The following ZNF844 variants were observed in gnomAD, a reference collection of about 807,000 sequenced individuals.
The protein encoded by ZNF844 is zinc finger protein 844.
A neutral mutation model predicts 11.4 loss-of-function variants in ZNF844; 11 were observed. The ratio of observed to expected loss-of-function variants is 0.97; its 90% confidence interval spans 0.61 to 1.60. The LOEUF (loss-of-function observed/expected upper bound fraction) is 1.60. Ranked by LOEUF, ZNF844 falls within the 40% of genes most tolerant of loss-of-function variation. The pLI, the probability that ZNF844 is intolerant of heterozygous loss-of-function variation, is 0.00. For missense variants in ZNF844, 790 were observed against 796.8 expected (o/e 0.99, Z 0.10); for synonymous variants, 248 against 260.3 (o/e 0.95, Z 0.46).
At chr19:12,072,816 C>T (rs1461109532) in intron 1 of ZNF844, among the ~76,000 whole-genome samples, 2 of 152,042 alleles carry the variant, frequency 1.3e-5, no homozygotes, top group East Asian at 1.9e-4. Flanking sequence ...AGCTCCTGAC[C>T]TCAGGTGATC....
intron 1 of ZNF844, among the ~76,000 whole-genome samples, chr19:12,065,439 G>A (rs73514810): frequency 0.014 from 2,164 of 152,120 alleles, 61 homozygotes; most frequent in African/African-American, 0.047. Flanking sequence ...ATGTGTACTA[G>A]ATGCTTTGTT....
At position 12,074,068 on chromosome 19, in the gene ZNF844, C is replaced by A; in HGVS notation, c.41C>A (p.Thr14Asn). The change falls in exon 2 of 4, where the codon ACC becomes AAC. Residue 14 changes from threonine (T) to asparagine (N), a missense_variant. Thr to Asn is a moderately conservative substitution (Grantham distance 65). Transcript: ENST00000439326. ...VAFEDVAVNF[T>N]QEEWSLLDPS... The stretch of plus-strand genomic sequence containing the variant: ...TTCGAGGATGTGGCTGTGAACTTCA[C>A]CCAGGAGGAGTGGTCTTTGCTGGAT... 1 of 1,613,644 alleles carries A rather than the reference C, an allele frequency of 6.2e-7. No homozygotes were observed. The highest frequency in any genetic ancestry group is 8.5e-7 in the Non-Finnish European group (1 of 1,179,710).
chr19:12,075,039 C>A (rs1292820971), intron 3 of ZNF844, among the ~76,000 whole-genome samples: 1 of 152,046 alleles, frequency 6.6e-6, no homozygotes, highest in South Asian at 2.1e-4. Flanking sequence ...CCTACACTTT[C>A]CTGGATAATG....
Position 12,075,914 on chromosome 19 carries a change from C to G in ZNF844, c.794C>G (p.Pro265Arg). The G allele has an allele frequency of 5.0e-6, 8 of 1,603,164 alleles. No homozygotes were observed. Among genetic ancestry groups the G allele is most frequent in the Non-Finnish European group, 6.8e-6 (8 of 1,174,158 alleles). The change falls in exon 4 of 4, where the codon CCC becomes CGC. Residue 265 changes from proline to arginine, a missense_variant. Pro to Arg is a moderately radical substitution (Grantham distance 103). Around this residue, in one of 3 missense-constraint regions of ZNF844, gnomAD observed 657 missense variants for 636.2 expected, o/e 1.03. Transcript: ENST00000439326. ...GAATGTGGGAAAGCATTCGGTAGTC[C>G]CAATTCCCTTTATGAACATAGAAGA... ...CKECGKAFGS[P>R]NSLYEHRRTH...
chr19:12,077,189 G>A lies in ZNF844; in HGVS notation c.*68G>A. ...CTGGTTCCTTTCAGTGTCATAAAAG[G>A]ATTCACACTGGAGAGAAACCCTATG... On this transcript the variant is annotated 3_prime_UTR_variant, in exon 4 of 4. Transcript: ENST00000439326. 2 of 1,602,764 alleles carry A rather than the reference G, an allele frequency of 1.2e-6. No individual in the cohort carries two copies. Among genetic ancestry groups the A allele is most frequent in the South Asian group, 2.2e-5 (2 of 89,874 alleles).
chr19:12,075,111 G>A (rs545201468), intron 3 of ZNF844, among the ~76,000 whole-genome samples: 6 of 152,122 alleles, frequency 3.9e-5, no homozygotes, highest in East Asian at 1.9e-4. Flanking sequence ...GCTAAATGAC[G>A]AGTTAATGGG....
At chr19:12,070,286 G>A (rs1444816124) in intron 1 of ZNF844, 3 of 152,060 alleles carry the variant, frequency 2.0e-5, no homozygotes. Flanking sequence ...AACAAAAAAA[G>A]AAAGGATTTC....
In ZNF844 at chr19:12,078,988, T is replaced by G. The variant is rs1975862665; in HGVS notation, c.*1867T>G. On this transcript the variant is annotated 3_prime_UTR_variant, in exon 4 of 4. Coordinates refer to ENST00000439326, the MANE Select transcript of ZNF844 (RefSeq NM_001136501.3). ...CCCCAGCCTCCCAAGTAGCTGGGAT[T>G]ACAGGTGACCGCCACCACGCCCAGC... 6.6e-6 allele frequency: 1 copy of G among 152,264 alleles called. No homozygotes were observed. Among genetic ancestry groups the G allele is most frequent in the Non-Finnish European group, 1.5e-5 (1 of 68,128 alleles). 9.4% of individuals were successfully genotyped at this position (152,264 alleles called of 1,614,324 possible).
At position 12,076,870 on chromosome 19, in the gene ZNF844, A is replaced by T. The variant is rs1438694; in HGVS notation, c.1750A>T (p.Met584Leu). ...KYMQQCTEDR[M>L]PMNVKSVTKH... is the part of the protein sequence containing the mutation. ...CATGCAACAATGCACAGAGGACAGAATGCCTATGAATGTAAAGAGTGTGAC... is the reference window on the plus strand; with the variant it reads ...CATGCAACAATGCACAGAGGACAGATTGCCTATGAATGTAAAGAGTGTGAC... Residue 584 changes from methionine (M) to leucine (L), a missense_variant, in exon 4 of 4, where the codon ATG becomes TTG. Physicochemically the swap from Met to Leu is conservative, Grantham distance 15. This residue lies in a region of ZNF844 where 657 missense variants were observed against 636.2 expected (regional missense o/e 1.03). Coordinates refer to ENST00000439326, the MANE Select transcript of ZNF844 (RefSeq NM_001136501.3). The T allele has an allele frequency of 8.1e-4, 1,271 of 1,566,512 alleles. 7 individuals carry two copies. The African/African-American group carries it at 0.014, about 17-fold the overall frequency.
Position 12,077,768 on chromosome 19 carries a change from A to G in ZNF844, c.*647A>G. 2.7e-6 allele frequency: 1 copy of G among 363,706 alleles called. No individual in the cohort carries two copies. Among genetic ancestry groups the G allele is most frequent in the Non-Finnish European group, 5.4e-6 (1 of 184,188 alleles). 22.5% of individuals were successfully genotyped at this position (363,706 alleles called of 1,614,324 possible). ...TCAGATTTGCTAAGAACCTTCAAAT[A>G]CAGACAATGAATGTAAACAATTAAA... On this transcript the variant is annotated 3_prime_UTR_variant, in exon 4 of 4. Coordinates refer to ENST00000439326, the MANE Select transcript of ZNF844 (RefSeq NM_001136501.3).
intron 1 of ZNF844, among the ~76,000 whole-genome samples, chr19:12,073,486 C>T (rs1021759937): frequency 6.6e-6 from 1 of 152,062 alleles, no homozygotes; most frequent in Non-Finnish European, 1.5e-5. Flanking sequence ...AATTTCTATT[C>T]ATGAGTTTTT....
intron 1 of ZNF844, among the ~76,000 whole-genome samples, chr19:12,066,017 C>CTG (rs1975683459): frequency 6.6e-6 from 1 of 152,010 alleles, no homozygotes; most frequent in Non-Finnish European, 1.5e-5. Flanking sequence ...CATCCTGGAC[C>CTG]CACCTGAGCA....
Position 12,075,696 on chromosome 19 carries a change from T to C in ZNF844, c.576T>C (p.Asn192=). 1 of 1,613,682 alleles carries C rather than the reference T, an allele frequency of 6.2e-7. No individual in the cohort carries two copies. The highest frequency in any genetic ancestry group is 8.5e-7 in the Non-Finnish European group (1 of 1,179,906). ...TTCAAAGACACATGATAATGCACAA[T>C]GGAGATGGAACTTATAAATGTAAGT... The part of the protein sequence containing the change: ...SSIQRHMIMH[N]GDGTYKCKFC... The change falls in exon 4 of 4, where the codon AAT becomes AAC. Residue 192 remains asparagine, a synonymous_variant. Transcript: ENST00000439326.
rs1373729822 is a variant in ZNF844, at chr19:12,077,468, A to AT, written c.*348dup. The AT allele has an allele frequency of 6.6e-6, 4 of 601,974 alleles. No individual in the cohort carries two copies. The African/African-American group carries it at 7.5e-5, about 11-fold the overall frequency. 37.3% of individuals were successfully genotyped at this position (601,974 alleles called of 1,614,324 possible). ...CCCACACCAGAGAGAAACACTATGAATGTAAGCAGTGTGGGAAAGCCTTCA... is the reference window on the plus strand; with the variant it reads ...CCCACACCAGAGAGAAACACTATGAATTGTAAGCAGTGTGGGAAAGCCTTCA... On this transcript the variant is annotated 3_prime_UTR_variant, in exon 4 of 4. Coordinates refer to ENST00000439326, the MANE Select transcript of ZNF844 (RefSeq NM_001136501.3).
rs1174330662 is a variant in ZNF844 at position 12,067,950 on chromosome 19, A to AGG, written c.3+3074_3+3075insGG. Among the ~76,000 whole-genome samples the AGG allele has an allele frequency of 6.6e-3, 858 of 129,484 alleles. 5 individuals are homozygous for AGG. The highest frequency in any genetic ancestry group is 8.4e-3 in the African/African-American group (267 of 31,846). 84.9% of individuals were successfully genotyped at this position (129,484 alleles called of 152,430 possible). ...AAAGAAAGAAAGAAAGAAAGAAGGA[A>AGG]AGAAGGAAAGAAGGAAGGAAGGAAG... On this transcript the variant is annotated intron_variant, in intron 1 of 3. Transcript: ENST00000439326.
intron 1 of ZNF844, among the ~76,000 whole-genome samples, chr19:12,071,364 G>A (rs1373634966): frequency 1.3e-5 from 2 of 152,034 alleles, no homozygotes; most frequent in South Asian, 2.1e-4. Flanking sequence ...GTTATATTAG[G>A]ATTAGAAACA....
intron 1 of ZNF844, among the ~76,000 whole-genome samples, chr19:12,065,320 C>G (rs1401611906): frequency 6.6e-6 from 1 of 152,118 alleles, no homozygotes; most frequent in East Asian, 2.0e-4. Context: ...CGTGAGCCAC[C>G]GCGCCTGGCC....
chr19:12,074,425 A>T lies in ZNF844; in HGVS notation c.191+4A>T. The T allele has an allele frequency of 6.5e-7, 1 of 1,531,186 alleles. No homozygotes were observed. The highest frequency in any genetic ancestry group is 8.8e-7 in the Non-Finnish European group (1 of 1,138,428). 94.8% of individuals were successfully genotyped at this position (1,531,186 alleles called of 1,614,324 possible). ...AAAATCCCAGGAATAATCTAAGGTG[A>T]TTTAAACTCACGAGACAAAGCAATG... On this transcript the variant is annotated splice_donor_region_variant and intron_variant, in intron 3 of 3. Transcript: ENST00000439326.
intron 1 of ZNF844, chr19:12,070,222 T>C (rs959661548): frequency 5.3e-5 from 8 of 151,596 alleles, no homozygotes; most frequent in Admixed American, 1.3e-4. Context: ...GGGTTGGGCC[T>C]GGTTAGTAAA....
Sources: gnomAD v4.1 joint callset for allele counts (sites outside exome capture counted in the v4.1 genomes callset) on GRCh38, gnomAD v4.1.1 for gene constraint, gnomAD v4.1.1 regional missense constraint, MANE v1.5 for transcripts, NCBI Gene and HGNC (gene_info 2026-07-23, HGNC 2026-07-21) for gene names.